Variants in CLDN18 observed in about 807,000 individuals in gnomAD.
CLDN18 encodes the protein claudin 18, also known as claudin-18.
In CLDN18, 20 loss-of-function variants were observed where a neutral mutation model predicts 25.0. The ratio of observed to expected loss-of-function variants is 0.80; its 90% CI spans 0.56 to 1.16. The LOEUF (loss-of-function observed/expected upper bound fraction) is 1.16, where lower values mean the gene tolerates loss of function less well. Among genes scored for constraint, CLDN18 ranks in the 50% most tolerant of loss-of-function variants. The probability of loss-of-function intolerance (pLI) is 0.00; values close to 1 mark genes in which losing one functional copy is unlikely to be tolerated. For missense variants in CLDN18, 297 were observed against 345.4 expected, an observed-to-expected ratio of 0.86 and a Z score of 1.11; for synonymous variants, 125 against 135.6, an observed-to-expected ratio of 0.92 and a Z score of 0.54.
At chr3:138,004,054 G>A (rs533075135) in intron 1 of CLDN18, among the ~76,000 whole-genome samples, 59 of 152,064 alleles carry the variant, frequency 3.9e-4, no homozygotes, top group Middle Eastern at 6.8e-3. Flanking sequence ...CACGCCTGTA[G>A]TCCCAGCTAC....
intron 1 of CLDN18, among the ~76,000 whole-genome samples, chr3:138,014,700 A>G (rs1027625605): frequency 3.9e-5 from 6 of 152,242 alleles, no homozygotes; most frequent in African/African-American, 1.2e-4. Flanking sequence ...AAAAGGAGGT[A>G]CTTGAAATCA....
chr3:138,000,126 CT>C (rs371958494), intron 1 of CLDN18, among the ~76,000 whole-genome samples: 22 of 152,140 alleles, frequency 1.4e-4, no homozygotes, highest in African/African-American at 2.4e-4. Flanking sequence ...GTGATTTATT[CT>C]TTTATACATT....
chr3:138,020,697 G>C (rs995173088), intron 1 of CLDN18, among the ~76,000 whole-genome samples: 1 of 152,192 alleles, frequency 6.6e-6, no homozygotes, highest in Non-Finnish European at 1.5e-5. Context: ...CTGTCATCTT[G>C]AGAGTTACAT....
chr3:138,023,686 G>A lies in CLDN18; in HGVS notation c.249G>A (p.Met83Ile). The change falls in exon 2 of 5, where the codon ATG becomes ATA. Residue 83 changes from methionine to isoleucine, a missense_variant. Physicochemically the swap from Met to Ile is conservative, Grantham distance 10. Coordinates refer to ENST00000183605, the MANE Select transcript of CLDN18 (RefSeq NM_016369.4). ...TGCTGCAGGCAGTGCGAGCCCTGAT[G>A]ATCGTAGGCATCGTCCTGGGTGCCA... is the stretch of plus-strand genomic sequence containing the variant. ...PAMLQAVRAL[M>I]IVGIVLGAIG... The A allele has an allele frequency of 6.2e-7, 1 of 1,614,036 alleles. No homozygotes were observed.
At chr3:138,020,152 C>T (rs1942254648) in intron 1 of CLDN18, among the ~76,000 whole-genome samples, 1 of 152,150 alleles carries the variant, frequency 6.6e-6, no homozygotes, top group Non-Finnish European at 1.5e-5. Flanking sequence ...GAGTTTACCA[C>T]CATGAATCTC....
chr3:138,016,463 C>T (rs1942204361), intron 1 of CLDN18, among the ~76,000 whole-genome samples: 1 of 152,138 alleles, frequency 6.6e-6, no homozygotes, highest in Non-Finnish European at 1.5e-5. Flanking sequence ...ATCCCATTCA[C>T]ACATGCCTTC....
chr3:138,006,530 C>G (rs1369562542), upstream of CLDN18, among the ~76,000 whole-genome samples: 1 of 152,150 alleles, frequency 6.6e-6, no homozygotes. Flanking sequence ...TTACCAACCC[C>G]ATTATTGTTA....
chr3:138,027,259 A>G (rs1360436852), intron 3 of CLDN18, among the ~76,000 whole-genome samples: 1 of 152,146 alleles, frequency 6.6e-6, no homozygotes, highest in Non-Finnish European at 1.5e-5. Flanking sequence ...CACAATCCCC[A>G]CTATGCCCAA....
chr3:138,002,057 A>G (rs1942025105), intron 1 of CLDN18, among the ~76,000 whole-genome samples: 1 of 152,164 alleles, frequency 6.6e-6, no homozygotes. Context: ...CCTTGATATT[A>G]ATGACATAGA....
intron 1 of CLDN18, among the ~76,000 whole-genome samples, chr3:138,018,700 A>G (rs1445750767): frequency 1.3e-5 from 2 of 152,198 alleles, no homozygotes; most frequent in African/African-American, 2.4e-5. Context: ...TTCACCTCGT[A>G]GTAGTATTGC....
At chr3:138,004,197 T>C (rs1281686115) in intron 1 of CLDN18, among the ~76,000 whole-genome samples, 1 of 152,212 alleles carries the variant, frequency 6.6e-6, no homozygotes, top group Admixed American at 6.5e-5. Flanking sequence ...ATACATATTT[T>C]AATCTTTGCA....
intron 1 of CLDN18, among the ~76,000 whole-genome samples, chr3:138,004,139 A>G (rs1942044677): frequency 6.6e-6 from 1 of 152,220 alleles, no homozygotes; most frequent in Non-Finnish European, 1.5e-5. Context: ...GCACCACTGC[A>G]ACACAGTGAG....
At chr3:138,006,858 AT>A (rs1942074589), upstream of CLDN18, among the ~76,000 whole-genome samples, 1 of 152,120 alleles carries the variant, frequency 6.6e-6, no homozygotes. Flanking sequence ...AACTTTTTCT[AT>A]TTTCAAAAAA....
At chr3:137,999,223 C>A (rs538946609) in intron 1 of CLDN18, 1 of 731,570 alleles carries the variant, frequency 1.4e-6, no homozygotes, top group Admixed American at 2.2e-5. Flanking sequence ...GGGCAACAGC[C>A]ACCTGCACCA....
At chr3:138,023,264 A>T (rs1942290113) in intron 1 of CLDN18, among the ~76,000 whole-genome samples, 1 of 152,268 alleles carries the variant, frequency 6.6e-6, no homozygotes, top group Non-Finnish European at 1.5e-5. Flanking sequence ...GTTAGAAGTC[A>T]CAGCTATAAG....
chr3:138,031,203 G>T lies in CLDN18; in HGVS notation c.*62G>T. The T allele has an allele frequency of 7.1e-7, 1 of 1,398,772 alleles. No homozygotes were observed. Among genetic ancestry groups the T allele is most frequent in the Non-Finnish European group, 9.7e-7 (1 of 1,033,262 alleles). The allele number at this position is 1,398,772 out of a possible 1,614,324, so 86.6% of individuals were successfully genotyped here. On this transcript the variant is annotated 3_prime_UTR_variant, in exon 5 of 5. Transcript: ENST00000183605. Reference sequence around the variant, plus strand: ...CCGGAGAGCTCACCCAAAAAACAAGGAGATCCCATCTAGATTTCTTCTTGC... The same window carrying T: ...CCGGAGAGCTCACCCAAAAAACAAGTAGATCCCATCTAGATTTCTTCTTGC...
chr3:138,017,801 C>T (rs1486081645), intron 1 of CLDN18, among the ~76,000 whole-genome samples: 2 of 152,210 alleles, frequency 1.3e-5, no homozygotes, highest in African/African-American at 2.4e-5. Context: ...AATATGTAGA[C>T]AAACATCTAA....
At chr3:138,006,034 C>T (rs573970937), upstream of CLDN18, among the ~76,000 whole-genome samples, 1 of 152,206 alleles carries the variant, frequency 6.6e-6, no homozygotes, top group East Asian at 1.9e-4. Flanking sequence ...AAACATCAAA[C>T]TATATTATCC....
chr3:138,028,426 A>C (rs1942352271), intron 3 of CLDN18, among the ~76,000 whole-genome samples: 1 of 152,236 alleles, frequency 6.6e-6, no homozygotes. Context: ...AGAGGTTTGC[A>C]CACATATTAC....
Sources: gnomAD v4.1 joint callset for allele counts (sites outside exome capture counted in the v4.1 genomes callset) on GRCh38, gnomAD v4.1.1 for gene constraint, MANE v1.5 for transcripts, NCBI Gene and HGNC (gene_info 2026-07-23, HGNC 2026-07-21) for gene names.